Variants in HEPACAM2 observed in about 807,000 individuals in gnomAD.
HEPACAM2 encodes mitotic kinetics regulator.
Under a neutral mutation model 49.6 loss-of-function variants are expected in HEPACAM2, and 49 were observed. That is an observed-to-expected ratio of 0.99 (90% CI 0.78 to 1.25). HEPACAM2 has a LOEUF of 1.25. HEPACAM2 is among the 50% of genes most tolerant of loss of function. The pLI is 0.00. For synonymous variants in HEPACAM2, 197 were observed against 202.9 expected (o/e 0.97, Z 0.25); for missense variants, 525 against 557.2 (o/e 0.94, Z 0.58).
chr7:93,228,374 T>C (rs17165182), upstream of HEPACAM2, among the ~76,000 whole-genome samples: 645 of 152,296 alleles, frequency 4.2e-3, 2 homozygotes, highest in African/African-American at 0.015. Context: ...TATTGAAATA[T>C]AATACGGCAC....
chr7:93,219,201 G>A lies in HEPACAM2; in HGVS notation c.330C>T (p.Asn110=). ...MMPPNASLLI[N]PLQFPDEGNY... ...TGCCTTCATCAGGGAACTGCAGTGGGTTGATAAGCAGAGATGCATTGGGTG... is the reference window on the plus strand; with the variant it reads ...TGCCTTCATCAGGGAACTGCAGTGGATTGATAAGCAGAGATGCATTGGGTG... The change falls in exon 2 of 10, where the codon AAC becomes AAT. Residue 110 remains asparagine, a synonymous_variant. Coordinates refer to ENST00000394468, the MANE Select transcript of HEPACAM2 (RefSeq NM_001039372.4). 1 of 1,614,012 alleles carries A rather than the reference G, an allele frequency of 6.2e-7. No individual in the cohort carries two copies. The highest frequency in any genetic ancestry group is 8.5e-7 in the Non-Finnish European group (1 of 1,179,940).
intron 1 of HEPACAM2, among the ~76,000 whole-genome samples, chr7:93,226,111 AT>A (rs2116733643): frequency 6.6e-6 from 1 of 152,312 alleles, no homozygotes; most frequent in South Asian, 2.1e-4. Flanking sequence ...TCTTTTAAAA[AT>A]ATCTGAATTA....
chr7:93,193,171 G>C (rs1383778467), intron 8 of HEPACAM2, among the ~76,000 whole-genome samples: 1 of 152,002 alleles, frequency 6.6e-6, no homozygotes, highest in Non-Finnish European at 1.5e-5. Flanking sequence ...CTTTGCTCTT[G>C]ATAACTCTGA....
chr7:93,213,878 G>A (rs28527204), intron 3 of HEPACAM2, among the ~76,000 whole-genome samples: 4,758 of 152,148 alleles, frequency 0.031, 159 homozygotes, highest in East Asian at 0.08. Flanking sequence ...GCAACCAGAT[G>A]AAGAAAGAGA....
Position 93,219,367 on chromosome 7 carries a change from T to G in HEPACAM2, c.164A>C (p.Tyr55Ser). The change falls in exon 2 of 10, where the codon TAT becomes TCT. Residue 55 changes from tyrosine to serine, a missense_variant. By Grantham distance (144) the Tyr-to-Ser change is moderately radical. Transcript: ENST00000394468. Reference protein sequence around the residue: ...RGQALYLPVHYGFHTPASDIQ... With the variant: ...RGQALYLPVHSGFHTPASDIQ... The stretch of plus-strand genomic sequence containing the variant: ...GTCTGATGCTGGAGTGTGGAAGCCA[T>G]AGTGGACGGGTAGGTAGAGGGCCTG... 1 of 1,613,968 alleles carries G rather than the reference T, an allele frequency of 6.2e-7. No homozygotes were observed. Among genetic ancestry groups the G allele is most frequent in the Non-Finnish European group, 8.5e-7 (1 of 1,179,940 alleles).
At position 93,188,789 on chromosome 7, in the gene HEPACAM2, A is replaced by G; in HGVS notation, c.*478T>C. 2.6e-6 allele frequency: 1 copy of G among 379,898 alleles called. No homozygotes were observed. The highest frequency in any genetic ancestry group is 4.7e-6 in the Non-Finnish European group (1 of 214,154). 23.5% of individuals were successfully genotyped at this position (379,898 alleles called of 1,614,324 possible). ...TACAAATAACAAGATAGAAATTTGG[A>G]AATAAAATTGAAACATAAATTTAGC... On this transcript the variant is annotated 3_prime_UTR_variant, in exon 10 of 10. Transcript: ENST00000394468.
intron 1 of HEPACAM2, among the ~76,000 whole-genome samples, chr7:93,219,961 A>G (rs1056682638): frequency 6.6e-6 from 1 of 152,186 alleles, no homozygotes; most frequent in South Asian, 2.1e-4. Flanking sequence ...AAATATCCCA[A>G]GGAGAGTGGT....
intron 4 of HEPACAM2, among the ~76,000 whole-genome samples, chr7:93,199,058 C>A (rs1293002166): frequency 6.6e-6 from 1 of 152,028 alleles, no homozygotes; most frequent in African/African-American, 2.4e-5. Context: ...TCACATATTT[C>A]CCTTAAGTCC....
At position 93,195,532 on chromosome 7, in the gene HEPACAM2, C is replaced by A. The variant is rs567142843; in HGVS notation, c.1275+296G>T. Among the ~76,000 whole-genome samples the A allele has an allele frequency of 7.9e-5, 12 of 152,236 alleles. No homozygotes were observed. In the East Asian group the frequency reaches 2.3e-3, roughly 30 times the overall value. On this transcript the variant is annotated intron_variant, in intron 8 of 9. Coordinates refer to ENST00000394468, the MANE Select transcript of HEPACAM2 (RefSeq NM_001039372.4). Reference sequence around the variant, plus strand: ...CCACGCCCAGCTTGTTTATTCAGTTCTCTTGACTTTCAACCTAGTTAGTTC... The same window carrying A: ...CCACGCCCAGCTTGTTTATTCAGTTATCTTGACTTTCAACCTAGTTAGTTC...
intron 2 of HEPACAM2, 84 bp from the exon 3 acceptor site, chr7:93,215,769 C>T (rs1794294966): frequency 1.5e-6 from 2 of 1,321,418 alleles, no homozygotes; most frequent in East Asian, 2.4e-5. Flanking sequence ...AATATGAACT[C>T]CTGGAGAAAT....
chr7:93,232,255 T>C, the HEPACAM2 span: 2 of 529,616 alleles, frequency 3.8e-6, no homozygotes, highest in South Asian at 2.1e-5. Flanking sequence ...CTGGGAGATG[T>C]AGTCCCTGGG....
At position 93,215,692 on chromosome 7, in the gene HEPACAM2, T is replaced by C; in HGVS notation, c.431-7A>G. 3 of 1,607,034 alleles carry C rather than the reference T, an allele frequency of 1.9e-6. No individual in the cohort carries two copies. The highest frequency in any genetic ancestry group is 2.6e-6 in the Non-Finnish European group (3 of 1,174,998). ...ACTGGCTTTGTGACAGGATCTGCAATATTAAGAGAGATATGAATGATTTTT... is the reference window on the plus strand; with the variant it reads ...ACTGGCTTTGTGACAGGATCTGCAACATTAAGAGAGATATGAATGATTTTT... On this transcript the variant is annotated splice_region_variant and splice_polypyrimidine_tract_variant and intron_variant, in intron 2 of 9. Coordinates refer to ENST00000394468, the MANE Select transcript of HEPACAM2 (RefSeq NM_001039372.4).
chr7:93,197,593 G>A lies in HEPACAM2; in HGVS notation c.1030C>T (p.Gln344Ter), dbSNP rs1172237158. 2 of 1,589,348 alleles carry A rather than the reference G, an allele frequency of 1.3e-6. No homozygotes were observed. The highest frequency in any genetic ancestry group is 1.8e-5 in the Admixed American group (1 of 56,502). Residue 344 changes from glutamine to a stop codon, truncating the protein, a stop_gained, in exon 5 of 10, where the codon CAG (glutamine) becomes TAG (stop). Transcript: ENST00000394468. LOFTEE classifies it high-confidence loss of function. ...AAAGGTGACAATGATTTTCCTTTCT[G>A]TGCAAGCTTCTCCAGTCCTAAATAA... is the stretch of plus-strand genomic sequence containing the variant. ...ITSVGLEKLA[Q>*]KGKSLSPLAS...
chr7:93,208,880 C>A lies in HEPACAM2; in HGVS notation c.716-4G>T, dbSNP rs1397901679. The A allele has an allele frequency of 1.3e-6, 2 of 1,549,120 alleles. No homozygotes were observed. Among genetic ancestry groups the A allele is most frequent in the Admixed American group, 2.0e-5 (1 of 48,952 alleles). ...ACTTGAAGTCCATAAGGTCCATCTG[C>A]ATCAATATAAAAAAAAATAGATAAG... On this transcript the variant is annotated splice_polypyrimidine_tract_variant and splice_region_variant and intron_variant, in intron 3 of 9. Transcript: ENST00000394468.
chr7:93,203,528 CAG>C, intron 4 of HEPACAM2, among the ~76,000 whole-genome samples: 1 of 152,116 alleles, frequency 6.6e-6, no homozygotes, highest in Non-Finnish European at 1.5e-5. Context: ...TTTCTCCTTT[CAG>C]AGAGTTTATA....
rs558050258 is a variant in HEPACAM2, at chr7:93,192,222, C to T, written c.1385+32G>A. On this transcript the variant is annotated intron_variant, in intron 9 of 9. Coordinates refer to ENST00000394468, the MANE Select transcript of HEPACAM2 (RefSeq NM_001039372.4). ...GCAAAAGCTAAATGCTTAGCCTCTC[C>T]ATAGCACCATCAAATGCAGATTCGT... is the stretch of plus-strand genomic sequence containing the variant. The T allele has an allele frequency of 6.3e-5, 94 of 1,495,288 alleles. No individual in the cohort carries two copies. In the Admixed American group the frequency reaches 1.2e-3, roughly 19 times the overall value. The allele number at this position is 1,495,288 out of a possible 1,614,324, so 92.6% of individuals were successfully genotyped here.
intron 4 of HEPACAM2, 74 bp downstream of exon 4, chr7:93,208,506 A>C: frequency 8.0e-7 from 1 of 1,256,312 alleles, no homozygotes; most frequent in Non-Finnish European, 1.1e-6. Flanking sequence ...CTACCTAGGT[A>C]TAAGATAGGG....
rs555604633 is a variant in HEPACAM2 at position 93,198,719 on chromosome 7, C to A, written c.1013-1109G>T. ...GTCATGTGATGCCATTTCCATTCAG[C>A]AATGGTGAACAGCCTGGAAAATCTG... On this transcript the variant is annotated intron_variant, in intron 4 of 9. Coordinates refer to ENST00000394468, the MANE Select transcript of HEPACAM2 (RefSeq NM_001039372.4). Among the ~76,000 whole-genome samples the A allele has an allele frequency of 2.0e-5, 3 of 152,150 alleles. No homozygotes were observed. The East Asian group carries it at 5.8e-4, about 29-fold the overall frequency.
At chr7:93,223,114 A>G (rs1386256398) in intron 1 of HEPACAM2, among the ~76,000 whole-genome samples, 1 of 152,214 alleles carries the variant, frequency 6.6e-6, no homozygotes, top group Non-Finnish European at 1.5e-5. Flanking sequence ...AACCACCATT[A>G]GGCTGAGAAG....
Sources: gnomAD v4.1 joint callset for allele counts (sites outside exome capture counted in the v4.1 genomes callset) on GRCh38, gnomAD v4.1.1 for gene constraint, MANE v1.5 for transcripts, NCBI Gene and HGNC (gene_info 2026-07-23, HGNC 2026-07-21) for gene names.